The following RBM20 variants were observed in gnomAD, a reference collection of about 807,000 sequenced individuals.
RBM20 encodes the protein RNA-binding protein 20.
Under a neutral mutation model 110.1 loss-of-function variants are expected in RBM20, and 51 were observed. That is an observed-to-expected ratio of 0.46 (90% CI 0.37 to 0.59). The LOEUF is 0.59. RBM20 is among the 20% of genes least tolerant of loss of function. The pLI is 0.00. For missense variants in RBM20, 1,512 were observed against 1,574.9 expected, an observed-to-expected ratio of 0.96 and a Z score of 0.68; for synonymous variants, 589 against 618.2, an observed-to-expected ratio of 0.95 and a Z score of 0.70.
At chr10:110,771,034 C>T (rs11195317) in intron 1 of RBM20, among the ~76,000 whole-genome samples, 3,524 of 152,314 alleles carry the variant, frequency 0.023, 136 homozygotes, top group African/African-American at 0.08. Flanking sequence ...CTTCATCTTT[C>T]AAAGCATTGT....
chr10:110,831,318 T>A (rs1285343294), intron 13 of RBM20, 136 bp downstream of exon 13: 1 of 851,088 alleles, frequency 1.2e-6, no homozygotes, highest in Non-Finnish European at 1.7e-6. Flanking sequence ...GGCCACAGGT[T>A]ACTTGCCATT....
chr10:110,776,606 C>T lies in RBM20; in HGVS notation c.192-4195C>T, dbSNP rs186061235. On this transcript the variant is annotated intron_variant, in intron 1 of 13. Transcript: ENST00000369519. ...TTCTGTTTCCATCCTTATATCTTCT[C>T]GCTGACTCTGATCCTCCTGCTTCCG... Among the ~76,000 whole-genome samples the T allele has an allele frequency of 2.6e-5, 4 of 152,326 alleles. No homozygotes were observed. The East Asian group carries it at 7.7e-4, about 29-fold the overall frequency.
chr10:110,813,089 T>G (rs1354877366), intron 9 of RBM20, 142 bp downstream of exon 9: 3 of 606,898 alleles, frequency 4.9e-6, no homozygotes, highest in East Asian at 3.0e-5. Flanking sequence ...TGCAAGACAC[T>G]TTATCTCAAT....
chr10:110,646,268 A>G (rs1355950882), intron 1 of RBM20, among the ~76,000 whole-genome samples: 1 of 152,238 alleles, frequency 6.6e-6, no homozygotes, highest in Non-Finnish European at 1.5e-5. Context: ...AGGGCGTCTG[A>G]TTATGAAATA....
intron 1 of RBM20, among the ~76,000 whole-genome samples, chr10:110,687,278 G>A (rs1476657851): frequency 6.6e-6 from 1 of 151,312 alleles, no homozygotes; most frequent in African/African-American, 2.4e-5. Flanking sequence ...AAATGTCATA[G>A]CTAACTAGAG....
intron 5 of RBM20, among the ~76,000 whole-genome samples, chr10:110,787,749 C>G (rs1177726234): frequency 6.6e-6 from 1 of 152,142 alleles, no homozygotes; most frequent in Non-Finnish European, 1.5e-5. Flanking sequence ...TGGTGAGAAG[C>G]AACGCAGGAA....
At chr10:110,749,381 C>T (rs908567733) in intron 1 of RBM20, among the ~76,000 whole-genome samples, 8 of 151,912 alleles carry the variant, frequency 5.3e-5, no homozygotes, top group Non-Finnish European at 8.8e-5. Flanking sequence ...AAAAAAGATA[C>T]AGTTCACAAT....
chr10:110,755,037 A>T (rs1843904175), intron 1 of RBM20, among the ~76,000 whole-genome samples: 1 of 152,056 alleles, frequency 6.6e-6, no homozygotes, highest in African/African-American at 2.4e-5. Flanking sequence ...ATGATATAGA[A>T]CCCTGGGGTG....
chr10:110,740,131 G>A (rs1353322939), intron 1 of RBM20, among the ~76,000 whole-genome samples: 4 of 152,242 alleles, frequency 2.6e-5, no homozygotes, highest in African/African-American at 9.6e-5. Context: ...CTAGTTGGAG[G>A]CCCCAGGGTA....
chr10:110,835,160 A>G (rs1174828616), intron 13 of RBM20: 1 of 151,862 alleles, frequency 6.6e-6, no homozygotes, highest in Non-Finnish European at 1.5e-5. Flanking sequence ...TTAAGCATAG[A>G]TATGTTGCCT....
At chr10:110,795,706 TGTG>T (rs1256377961) in intron 5 of RBM20, among the ~76,000 whole-genome samples, 31 of 152,346 alleles carry the variant, frequency 2.0e-4, no homozygotes, top group Middle Eastern at 6.8e-3. Context: ...GCTATTAGAA[TGTG>T]TTTCAGGTTC....
rs114472075 is a variant in RBM20 at position 110,732,660 on chromosome 10, C to T, written c.192-48141C>T. On this transcript the variant is annotated intron_variant, in intron 1 of 13. Coordinates refer to ENST00000369519, the MANE Select transcript of RBM20 (RefSeq NM_001134363.3). ...ACCGCCACATAAATTCTGCCCTTGC[C>T]GTTCACACGCACCCCATCGTTGGGT... Among the ~76,000 whole-genome samples the T allele has an allele frequency of 5.5e-3, 842 of 152,278 alleles. 9 individuals are homozygous for T. Among genetic ancestry groups the T allele is most frequent in the African/African-American group, 0.015 (609 of 41,548 alleles).
chr10:110,787,216 C>T (rs1466198241), intron 5 of RBM20, among the ~76,000 whole-genome samples: 2 of 152,188 alleles, frequency 1.3e-5, no homozygotes, highest in Non-Finnish European at 2.9e-5. Flanking sequence ...TTTGATTATT[C>T]CTCGAATCTC....
intron 7 of RBM20, among the ~76,000 whole-genome samples, chr10:110,806,155 A>G (rs1014900734): frequency 1.3e-5 from 2 of 151,798 alleles, no homozygotes; most frequent in Non-Finnish European, 2.9e-5. Flanking sequence ...GTAATCCCAG[A>G]TGCTTGGGAA....
At chr10:110,786,303 G>A (rs746424160) in intron 5 of RBM20, among the ~76,000 whole-genome samples, 7 of 152,182 alleles carry the variant, frequency 4.6e-5, no homozygotes, top group Non-Finnish European at 1.0e-4. Context: ...CTTCTCCTGC[G>A]AGTGAACACA....
chr10:110,714,721 C>G (rs1862990747), intron 1 of RBM20, among the ~76,000 whole-genome samples: 1 of 152,152 alleles, frequency 6.6e-6, no homozygotes, highest in African/African-American at 2.4e-5. Flanking sequence ...TCCTGGTTGT[C>G]CTCAGCCCCT....
rs201630449 is a variant in RBM20 at position 110,811,223 on chromosome 10, CA to C, written c.1880+763del. On this transcript the variant is annotated intron_variant, in intron 8 of 13. Coordinates refer to ENST00000369519, the MANE Select transcript of RBM20 (RefSeq NM_001134363.3). ...CCCAGGGTGTTTCCCCCATGATGGT[CA>C]AGGCAGCCTGGTCCTAGCAAGATGC... Among the ~76,000 whole-genome samples, 1,249 of 152,310 alleles carry C rather than the reference CA, an allele frequency of 8.2e-3. 19 individuals carry two copies. The highest frequency in any genetic ancestry group is 0.029 in the African/African-American group (1,205 of 41,560).
chr10:110,786,513 TAGG>T (rs1400533233), intron 5 of RBM20, among the ~76,000 whole-genome samples: 4 of 152,164 alleles, frequency 2.6e-5, no homozygotes, highest in Non-Finnish European at 5.9e-5. Flanking sequence ...TGATGTTGAA[TAGG>T]AGAAGCGCTT....
intron 9 of RBM20, among the ~76,000 whole-genome samples, chr10:110,814,966 T>C (rs1487072676): frequency 6.6e-6 from 1 of 152,226 alleles, no homozygotes; most frequent in African/African-American, 2.4e-5. Context: ...TCAAAGGTTT[T>C]ATTCAACTCA....
Sources: gnomAD v4.1 joint callset for allele counts (sites outside exome capture counted in the v4.1 genomes callset) on GRCh38, gnomAD v4.1.1 for gene constraint, MANE v1.5 for transcripts, NCBI Gene and HGNC (gene_info 2026-07-23, HGNC 2026-07-21) for gene names.